Variants in CSNK1A1 observed in about 807,000 individuals in gnomAD.
The protein encoded by CSNK1A1 is casein kinase I isoform alpha.
Under a neutral mutation model 46.1 loss-of-function variants are expected in CSNK1A1, and 7 were observed. The observed-to-expected ratio is 0.15, with a 90% CI of 0.09 to 0.29. CSNK1A1 has a LOEUF of 0.29. CSNK1A1 is among the 10% of genes least tolerant of loss of function. The probability of loss-of-function intolerance (pLI) is 1.00; values close to 1 mark genes in which losing one functional copy is unlikely to be tolerated. For synonymous variants in CSNK1A1, 137 were observed against 141.5 expected, an observed-to-expected ratio of 0.97 and a Z score of 0.23; for missense variants, 96 against 417.1, an observed-to-expected ratio of 0.23 and a Z score of 6.71.
At position 149,525,249 on chromosome 5, in the gene CSNK1A1, T is replaced by C; in HGVS notation, c.231-78A>G. ...TCATCAACCCTAAGAATAATATAGTTTTCTTTCACTGACTAGGTATTATAT... is the reference window on the plus strand; with the variant it reads ...TCATCAACCCTAAGAATAATATAGTCTTCTTTCACTGACTAGGTATTATAT... On this transcript the variant is annotated intron_variant, in intron 2 of 9. Coordinates refer to ENST00000377843, the MANE Select transcript of CSNK1A1 (RefSeq NM_001892.6). This position sits in a 1 kb window ranked among gnomAD's most constrained non-coding sequence, Gnocchi z 4.2. 1 of 1,329,240 alleles carries C rather than the reference T, an allele frequency of 7.5e-7. No individual in the cohort carries two copies. Among genetic ancestry groups the C allele is most frequent in the Admixed American group, 2.9e-5 (1 of 34,096 alleles). 82.3% of individuals were successfully genotyped at this position (1,329,240 alleles called of 1,614,324 possible). A position where few individuals can be genotyped will look rare whatever the true frequency, so the allele number is the denominator to read the frequency against.
chr5:149,550,949 C>T lies in CSNK1A1; in HGVS notation c.16G>A (p.Gly6Ser), dbSNP rs1374284793. 1.2e-6 allele frequency: 2 copies of T among 1,614,130 alleles called. No homozygotes were observed. The highest frequency in any genetic ancestry group is 2.2e-5 in the East Asian group (1 of 44,882). ...CCGACAATGAATTCAGCCTTGGAGC[C>T]GCTGCTACTCGCCATCCTGAGAGAC... MASSS[G>S]SKAEFIVGGK... The change falls in exon 1 of 10, where the codon GGC becomes AGC. Residue 6 changes from glycine to serine, a missense_variant. Coordinates refer to ENST00000377843, the MANE Select transcript of CSNK1A1 (RefSeq NM_001892.6). The surrounding 1 kb of genome is among the most constrained non-coding windows in gnomAD (Gnocchi z 4.3).
rs1561759095 is a variant in CSNK1A1, at chr5:149,517,716, A to G, written c.456+2574T>C. 5.2e-6 allele frequency: 5 copies of G among 966,274 alleles called. No homozygotes were observed. 59.9% of individuals were successfully genotyped at this position (966,274 alleles called of 1,614,324 possible). ...ATTCTCCAGAATTAAAACAAAACAA[A>G]AATCATCAAAATAAAACAATAAAAA... On this transcript the variant is annotated intron_variant, in intron 4 of 9. Coordinates refer to ENST00000377843, the MANE Select transcript of CSNK1A1 (RefSeq NM_001892.6). The surrounding 1 kb of genome is among the most constrained non-coding windows in gnomAD (Gnocchi z 4.4).
At chr5:149,521,578 T>C (rs1363611150) in intron 3 of CSNK1A1, among the ~76,000 whole-genome samples, 1 of 151,652 alleles carries the variant, frequency 6.6e-6, no homozygotes, top group Non-Finnish European at 1.5e-5. Flanking sequence ...TGAACCACCA[T>C]GCCCGGCCTC....
At chr5:149,523,553 A>G (rs903195465) in intron 3 of CSNK1A1, among the ~76,000 whole-genome samples, 21 of 152,222 alleles carry the variant, frequency 1.4e-4, no homozygotes, top group African/African-American at 5.1e-4. Context: ...TTGTGCCACA[A>G]ATATCACAAT....
At chr5:149,529,169 T>C (rs1761809879) in intron 2 of CSNK1A1, among the ~76,000 whole-genome samples, 1 of 152,218 alleles carries the variant, frequency 6.6e-6, no homozygotes, top group Non-Finnish European at 1.5e-5. Flanking sequence ...TTTAAAAAGA[T>C]AAAATGTTCG....
At chr5:149,514,645 T>A (rs1325720049) in intron 4 of CSNK1A1, among the ~76,000 whole-genome samples, 1 of 152,170 alleles carries the variant, frequency 6.6e-6, no homozygotes, top group Non-Finnish European at 1.5e-5. Context: ...GCAGATTTCA[T>A]GTCAATAAAT....
intron 2 of CSNK1A1, chr5:149,529,844 A>C: frequency 2.4e-6 from 1 of 412,046 alleles, no homozygotes. Flanking sequence ...AATGACAATG[A>C]CATGGTTACC....
rs766074358 is a variant in CSNK1A1 at position 149,505,422 on chromosome 5, C to T, written c.1006+25G>A. On this transcript the variant is annotated intron_variant, in intron 9 of 9. Coordinates refer to ENST00000377843, the MANE Select transcript of CSNK1A1 (RefSeq NM_001892.6). ...TTTGTATTCAATTTTTTCCCTGTAA[C>T]GTCACTTGGTTCTTGGCTACTAACC... 3.8e-6 allele frequency: 6 copies of T among 1,596,318 alleles called. No homozygotes were observed. The African/African-American group carries it at 5.4e-5, about 14-fold the overall frequency.
chr5:149,530,946 A>C (rs1761873728), intron 2 of CSNK1A1, among the ~76,000 whole-genome samples: 1 of 98,872 alleles, frequency 1.0e-5, no homozygotes, highest in African/African-American at 3.8e-5. Flanking sequence ...AGCCTGGATG[A>C]CAAAGCGAGA....
At chr5:149,518,861 G>T (rs148261053) in intron 4 of CSNK1A1, among the ~76,000 whole-genome samples, 1 of 151,968 alleles carries the variant, frequency 6.6e-6, no homozygotes, top group African/African-American at 2.4e-5. Context: ...CAAAAACCAC[G>T]TACTGCAATG....
chr5:149,516,147 C>A (rs1761393206), intron 4 of CSNK1A1, among the ~76,000 whole-genome samples: 1 of 152,028 alleles, frequency 6.6e-6, no homozygotes, highest in African/African-American at 2.4e-5. Flanking sequence ...TGGTAAAACC[C>A]CATCTCCACT....
In CSNK1A1 at chr5:149,496,828, G is replaced by A; in HGVS notation, c.*25C>T. ...AAATGCTGCTCCGATCATCTGCTCT[G>A]CTTCTTCTGTTCCTCAATTCATGCT... On this transcript the variant is annotated 3_prime_UTR_variant, in exon 10 of 10. Coordinates refer to ENST00000377843, the MANE Select transcript of CSNK1A1 (RefSeq NM_001892.6). 2 of 1,559,780 alleles carry A rather than the reference G, an allele frequency of 1.3e-6. No individual in the cohort carries two copies. Among genetic ancestry groups the A allele is most frequent in the Non-Finnish European group, 1.7e-6 (2 of 1,152,796 alleles).
chr5:149,539,366 TGA>T (rs1451487578), intron 2 of CSNK1A1, among the ~76,000 whole-genome samples: 1 of 151,904 alleles, frequency 6.6e-6, no homozygotes, highest in Middle Eastern at 3.4e-3. Context: ...CTTAGAAGGC[TGA>T]GATAGGAGGA....
At chr5:149,526,671 G>T (rs1761733672) in intron 2 of CSNK1A1, among the ~76,000 whole-genome samples, 1 of 152,084 alleles carries the variant, frequency 6.6e-6, no homozygotes, top group Non-Finnish European at 1.5e-5. Flanking sequence ...TACTCTTGTG[G>T]CTCTTCTTTA....
intron 4 of CSNK1A1, among the ~76,000 whole-genome samples, chr5:149,515,715 T>C (rs1761379754): frequency 6.6e-6 from 1 of 152,190 alleles, no homozygotes; most frequent in African/African-American, 2.4e-5. Context: ...CTGTATGCTT[T>C]GCTGTTTAAA....
At position 149,504,198 on chromosome 5, in the gene CSNK1A1, A is replaced by G. The variant is rs577917614; in HGVS notation, c.1006+1249T>C. 1.4e-4 allele frequency: 142 copies of G among 985,458 alleles called. No individual in the cohort carries two copies. In the African/African-American group the frequency reaches 2.4e-3, roughly 16 times the overall value. The allele number at this position is 985,458 out of a possible 1,614,324, so 61.0% of individuals were successfully genotyped here. ...TTACATGTCACCATCTGAAAAACCCAACGACAATAAACCTTCAACTTTGAA... is the reference window on the plus strand; with the variant it reads ...TTACATGTCACCATCTGAAAAACCCGACGACAATAAACCTTCAACTTTGAA... On this transcript the variant is annotated intron_variant, in intron 9 of 9. Transcript: ENST00000377843.
At chr5:149,507,000 T>C (rs377042926) in intron 8 of CSNK1A1, 27 bp downstream of exon 8, 2 of 1,562,304 alleles carry the variant, frequency 1.3e-6, no homozygotes, top group Non-Finnish European at 1.8e-6. Flanking sequence ...ACAGAGTTTA[T>C]AATCTTAAAA....
At position 149,503,278 on chromosome 5, in the gene CSNK1A1, C is replaced by T. The variant is rs995921497; in HGVS notation, c.1006+2169G>A. The T allele has an allele frequency of 1.9e-5, 19 of 985,184 alleles. No individual in the cohort carries two copies. In the Admixed American group the frequency reaches 8.6e-4, roughly 45 times the overall value. 61.0% of individuals were successfully genotyped at this position (985,184 alleles called of 1,614,324 possible). On this transcript the variant is annotated intron_variant, in intron 9 of 9. Coordinates refer to ENST00000377843, the MANE Select transcript of CSNK1A1 (RefSeq NM_001892.6). Reference sequence around the variant, plus strand: ...TCATGCTTATTTCATGCCTAAGGCCCGAAGGCCAGCTACATTTTCATGGTT... The same window carrying T: ...TCATGCTTATTTCATGCCTAAGGCCTGAAGGCCAGCTACATTTTCATGGTT...
intron 2 of CSNK1A1, among the ~76,000 whole-genome samples, chr5:149,527,110 A>T (rs1326349105): frequency 6.6e-6 from 1 of 150,986 alleles, no homozygotes; most frequent in South Asian, 2.1e-4. Context: ...CAAATGTGTC[A>T]ACGTGACAGC....
Sources: allele counts gnomAD v4.1 joint callset (sites outside exome capture counted in the v4.1 genomes callset), GRCh38; gene constraint gnomAD v4.1.1; non-coding constraint Gnocchi (gnomAD v3.1); transcripts MANE v1.5; gene names NCBI Gene and HGNC (gene_info 2026-07-23, HGNC 2026-07-21).